The following CENPM variants were observed in gnomAD, a reference collection of about 807,000 sequenced individuals.
CENPM encodes the protein interphase centromere complex protein 39.
In CENPM, 14 loss-of-function variants were observed where a neutral mutation model predicts 19.6. The observed-to-expected ratio is 0.71, with a 90% CI of 0.47 to 1.11. The LOEUF (loss-of-function observed/expected upper bound fraction) is 1.11. Ranked by LOEUF, CENPM falls within the 50% of genes most tolerant of loss-of-function variation. The pLI is 0.00. For missense variants in CENPM, 239 were observed against 228.4 expected (o/e 1.05, Z -0.30); for synonymous variants, 114 against 101.5 (o/e 1.12, Z -0.74).
chr22:41,928,965 A>G, the CENPM span, among the ~76,000 whole-genome samples: 7 of 152,106 alleles, frequency 4.6e-5, no homozygotes, highest in African/African-American at 1.7e-4. This position sits in a 1 kb window ranked among gnomAD's most constrained non-coding sequence, Gnocchi z 4.0. Flanking sequence ...CCAGTCAGCC[A>G]GCCCTGACTG....
chr22:41,938,973 C>A lies in CENPM; in HGVS notation c.*83G>T. The stretch of plus-strand genomic sequence containing the variant: ...GCGGGCTGAGCCTGGGCCTGTCAAG[C>A]CCTGACTGGACATCCTCAACAGAGA... On this transcript the variant is annotated 3_prime_UTR_variant, in exon 6 of 6. Transcript: ENST00000215980. The A allele has an allele frequency of 6.5e-7, 1 of 1,540,206 alleles. No individual in the cohort carries two copies. The highest frequency in any genetic ancestry group is 8.8e-7 in the Non-Finnish European group (1 of 1,132,428).
At chr22:41,943,757 C>T in intron 4 of CENPM, 56 bp from the exon 5 acceptor site, 1 of 1,521,422 alleles carries the variant, frequency 6.6e-7, no homozygotes, top group African/African-American at 1.4e-5. Context: ...GGCTGGAATT[C>T]AGGAAGTGCT....
chr22:41,934,217 C>T (rs1256372171), downstream of CENPM, among the ~76,000 whole-genome samples: 1 of 152,200 alleles, frequency 6.6e-6, no homozygotes, highest in African/African-American at 2.4e-5. Flanking sequence ...AAGGTCCTGC[C>T]TCCTTGGTAG....
At chr22:41,939,878 A>AAGAAAGAAAGAAAAAG (rs1399573773) in intron 5 of CENPM, among the ~76,000 whole-genome samples, 4 of 73,000 alleles carry the variant, frequency 5.5e-5, no homozygotes, top group Admixed American at 1.8e-4. Flanking sequence ...GAAAGAAAGA[A>AAGAAAGAAAGAAAAAG]AAAGAAAGAA....
the CENPM span, among the ~76,000 whole-genome samples, chr22:41,931,835 C>A: frequency 6.5e-3 from 993 of 152,348 alleles, 30 homozygotes; most frequent in Admixed American, 0.052. Flanking sequence ...AGGCCCAGTC[C>A]CCCAGATCTG....
At chr22:41,927,344 G>A in the CENPM span, among the ~76,000 whole-genome samples, 3 of 152,018 alleles carry the variant, frequency 2.0e-5, no homozygotes, top group Non-Finnish European at 2.9e-5. Flanking sequence ...GGTAGGGAGG[G>A]GGATGGACCC....
chr22:41,938,132 G>A (rs1196053324), downstream of CENPM, among the ~76,000 whole-genome samples: 6 of 137,618 alleles, frequency 4.4e-5, no homozygotes, highest in East Asian at 9.0e-4. Flanking sequence ...GGGAACCACC[G>A]CGCCCAGCAT....
chr22:41,932,781 C>T, the CENPM span, among the ~76,000 whole-genome samples: 2 of 152,216 alleles, frequency 1.3e-5, no homozygotes, highest in Non-Finnish European at 2.9e-5. The surrounding 1 kb of genome is among the most constrained non-coding windows in gnomAD (Gnocchi z 4.3). Flanking sequence ...CGGGGGCCCC[C>T]AGGGCCAACC....
the CENPM span, chr22:41,928,227 CT>C: frequency 5.5e-6 from 2 of 361,794 alleles, no homozygotes; most frequent in Non-Finnish European, 1.1e-5. This position sits in a 1 kb window ranked among gnomAD's most constrained non-coding sequence, Gnocchi z 4.0. Flanking sequence ...ACACCTGCTC[CT>C]TTTCTCCAGG....
At chr22:41,938,697 G>A (rs1162355590), downstream of CENPM, 4 of 207,496 alleles carry the variant, frequency 1.9e-5, no homozygotes, top group Admixed American at 2.3e-4. Flanking sequence ...TTCTGAGTCA[G>A]TTTCCTCATC....
intron 4 of CENPM, chr22:41,944,113 A>G (rs1275297311): frequency 1.0e-6 from 1 of 985,274 alleles, no homozygotes; most frequent in Non-Finnish European, 1.2e-6. Flanking sequence ...AGCAAGACAA[A>G]GAAGAGGAAA....
Position 41,946,332 on chromosome 22 carries a change from G to C in CENPM, c.137+85C>G, listed in dbSNP as rs1488953918. ...AAGGACCAGCCTCAGAGGAGGGGGCGCTGGGCTTCGGAGTTTAGCAGCTAG... is the reference window on the plus strand; with the variant it reads ...AAGGACCAGCCTCAGAGGAGGGGGCCCTGGGCTTCGGAGTTTAGCAGCTAG... On this transcript the variant is annotated intron_variant, in intron 2 of 5. Coordinates refer to ENST00000215980, the MANE Select transcript of CENPM (RefSeq NM_024053.5). The C allele has an allele frequency of 4.3e-6, 5 of 1,161,248 alleles. No homozygotes were observed. The Admixed American group carries it at 1.0e-4, about 24-fold the overall frequency. 71.9% of individuals were successfully genotyped at this position (1,161,248 alleles called of 1,614,324 possible).
intron 5 of CENPM, among the ~76,000 whole-genome samples, chr22:41,942,821 G>C (rs1306011957): frequency 2.0e-5 from 3 of 151,622 alleles, no homozygotes; most frequent in Non-Finnish European, 2.9e-5. Flanking sequence ...TGTAGTCCTA[G>C]TTACTCAGTA....
chr22:41,942,057 A>T (rs2077744637), intron 5 of CENPM, among the ~76,000 whole-genome samples: 2 of 152,342 alleles, frequency 1.3e-5, no homozygotes, highest in South Asian at 4.1e-4. Flanking sequence ...GTGGTCACAG[A>T]TCATGTGCTG....
At chr22:41,939,828 AAGAAAGAAAGAAAAAGAAAGAAAGAAAG>A (rs2077713854) in intron 5 of CENPM, among the ~76,000 whole-genome samples, 2 of 62,694 alleles carry the variant, frequency 3.2e-5, no homozygotes, top group Non-Finnish European at 5.2e-5. Flanking sequence ...AAAAGAAAGA[AAGAAAGAAAGAAAAAGAAAGAAAGAAAG>A]AAAGAAAGAA....
chr22:41,937,852 T>A (rs2077690477), downstream of CENPM, among the ~76,000 whole-genome samples: 2 of 152,110 alleles, frequency 1.3e-5, no homozygotes, highest in Admixed American at 1.3e-4. Flanking sequence ...CCACTCCTTT[T>A]TTTTTCTTTG....
chr22:41,930,370 C>A, the CENPM span, among the ~76,000 whole-genome samples: 4 of 152,094 alleles, frequency 2.6e-5, no homozygotes, highest in Non-Finnish European at 5.9e-5. Flanking sequence ...GCTGGGACTA[C>A]AGGCACGGGC....
At chr22:41,943,272 C>T (rs1475534941) in intron 5 of CENPM, among the ~76,000 whole-genome samples, 1 of 152,172 alleles carries the variant, frequency 6.6e-6, no homozygotes, top group Non-Finnish European at 1.5e-5. Flanking sequence ...CAAATACATA[C>T]ACATAAGACT....
At chr22:41,938,093 C>T (rs895253104), downstream of CENPM, among the ~76,000 whole-genome samples, 1 of 149,488 alleles carries the variant, frequency 6.7e-6, no homozygotes, top group Non-Finnish European at 1.5e-5. Flanking sequence ...CTGCCCGCCT[C>T]GGCCTCCCAA....
Sources: gnomAD v4.1 joint callset for allele counts (sites outside exome capture counted in the v4.1 genomes callset) on GRCh38, gnomAD v4.1.1 for gene constraint, Gnocchi (gnomAD v3.1) non-coding constraint, MANE v1.5 for transcripts, NCBI Gene and HGNC (gene_info 2026-07-23, HGNC 2026-07-21) for gene names.